Variants in GSDME observed in about 807,000 individuals in gnomAD.
GSDME encodes gasdermin E.
A neutral mutation model predicts 47.5 loss-of-function variants in GSDME; 44 were observed. That is an observed-to-expected ratio of 0.93 (90% CI 0.73 to 1.19). The LOEUF (loss-of-function observed/expected upper bound fraction) is 1.19. GSDME is among the 50% of genes most tolerant of loss of function. The pLI, the probability that GSDME is intolerant of heterozygous loss-of-function variation, is 0.00. For missense variants in GSDME, 663 were observed against 604.2 expected (o/e 1.10, Z -1.02); for synonymous variants, 258 against 252.8 (o/e 1.02, Z -0.20).
At chr7:24,776,332 G>A in the GSDME span, among the ~76,000 whole-genome samples, 3 of 152,174 alleles carry the variant, frequency 2.0e-5, no homozygotes, top group Non-Finnish European at 4.4e-5. Context: ...GAGTCAGATT[G>A]TGTCTGTCAC....
intron 4 of GSDME, among the ~76,000 whole-genome samples, chr7:24,718,158 C>A (rs1034696718): frequency 1.3e-5 from 2 of 152,236 alleles, no homozygotes; most frequent in Non-Finnish European, 2.9e-5. Flanking sequence ...CATCTCCCAT[C>A]GGCGCCTCCC....
chr7:24,743,454 A>G (rs1469195879), intron 3 of GSDME, among the ~76,000 whole-genome samples: 2 of 152,214 alleles, frequency 1.3e-5, no homozygotes, highest in African/African-American at 4.8e-5. Flanking sequence ...AATTACTGCA[A>G]TAACTTCTCA....
intron 3 of GSDME, among the ~76,000 whole-genome samples, chr7:24,719,765 C>T (rs1258712325): frequency 6.6e-6 from 1 of 151,770 alleles, no homozygotes; most frequent in Non-Finnish European, 1.5e-5. Flanking sequence ...TGCGCTCCAG[C>T]CAGGGCAACA....
At position 24,717,222 on chromosome 7, in the gene GSDME, A is replaced by AGGGATCCTCTGCTGGGGG. The variant is rs745540480; in HGVS notation, c.697+31_697+32insCCCCCAGCAGAGGATCCC. On this transcript the variant is annotated intron_variant, in intron 5 of 9. Transcript: ENST00000645220. ...TCTGCTGAGGGATCCTCTGCTGGGG[A>AGGGATCCTCTGCTGGGGG]TCCCTCAGCACCCATAGGAGGTGGC... is the stretch of plus-strand genomic sequence containing the variant. The AGGGATCCTCTGCTGGGGG allele has an allele frequency of 1.3e-4, 179 of 1,351,306 alleles. 2 individuals carry two copies. Among genetic ancestry groups the AGGGATCCTCTGCTGGGGG allele is most frequent in the African/African-American group, 7.9e-4 (52 of 65,854 alleles). 83.7% of individuals were successfully genotyped at this position (1,351,306 alleles called of 1,614,324 possible). A position where few individuals can be genotyped will look rare whatever the true frequency, so the allele number is the denominator to read the frequency against.
rs1482374194 is a variant in GSDME, at chr7:24,712,619, T to C, written c.698-2231A>G. On this transcript the variant is annotated intron_variant, in intron 5 of 9. Coordinates refer to ENST00000645220, the MANE Select transcript of GSDME (RefSeq NM_001127453.2). The surrounding 1 kb of genome is among the most constrained non-coding windows in gnomAD (Gnocchi z 4.4). ...AGTGTGGTAAGAGTGGGGACAGCGG[T>C]TGAACAGGGCTGAGGCCAGAGTGAC... Among the ~76,000 whole-genome samples the C allele has an allele frequency of 6.6e-6, 1 of 152,124 alleles. No individual in the cohort carries two copies. The highest frequency in any genetic ancestry group is 2.4e-5 in the African/African-American group (1 of 41,422).
rs371864596 is a variant in GSDME, at chr7:24,714,654, A to G, written c.697+2600T>C. 6.6e-6 allele frequency among the ~76,000 whole-genome samples: 1 copy of G among 152,196 alleles called. No individual in the cohort carries two copies. The highest frequency in any genetic ancestry group is 6.5e-5 in the Admixed American group (1 of 15,274). ...GACAGTGGAAGCTGGAAAAGATAAA[A>G]GCCTTGAAATTGAAATGCAAACAGG... On this transcript the variant is annotated intron_variant, in intron 5 of 9. Coordinates refer to ENST00000645220, the MANE Select transcript of GSDME (RefSeq NM_001127453.2). The surrounding 1 kb of genome is among the most constrained non-coding windows in gnomAD (Gnocchi z 5.0).
At chr7:24,783,147 A>C in the GSDME span, among the ~76,000 whole-genome samples, 3 of 152,316 alleles carry the variant, frequency 2.0e-5, no homozygotes, top group South Asian at 4.1e-4. Context: ...AAAGGTAAAC[A>C]GTGTCTTAAT....
intron 3 of GSDME, among the ~76,000 whole-genome samples, chr7:24,731,125 G>A (rs1790130012): frequency 6.6e-6 from 1 of 152,214 alleles, no homozygotes; most frequent in Non-Finnish European, 1.5e-5. Context: ...GGATTTCGTG[G>A]GGCCTTGAGC....
At chr7:24,794,183 C>CCTCT in the GSDME span, among the ~76,000 whole-genome samples, 1 of 149,422 alleles carries the variant, frequency 6.7e-6, no homozygotes, top group East Asian at 1.9e-4. Context: ...TCTGTCTCTT[C>CCTCT]CTCTCTCTCT....
At chr7:24,782,014 G>A in the GSDME span, among the ~76,000 whole-genome samples, 2 of 152,126 alleles carry the variant, frequency 1.3e-5, no homozygotes, top group Non-Finnish European at 2.9e-5. Context: ...CCAAATGGCT[G>A]AGATTACAGA....
rs564860472 is a variant in GSDME, at chr7:24,754,034, C to T, written c.-20+3362G>A. 6.6e-6 allele frequency among the ~76,000 whole-genome samples: 1 copy of T among 152,264 alleles called. No homozygotes were observed. The highest frequency in any genetic ancestry group is 2.1e-4 in the South Asian group (1 of 4,818). On this transcript the variant is annotated intron_variant, in intron 1 of 9. Coordinates refer to ENST00000645220, the MANE Select transcript of GSDME (RefSeq NM_001127453.2). The surrounding 1 kb of genome is among the most constrained non-coding windows in gnomAD (Gnocchi z 5.0). Reference sequence around the variant, plus strand: ...CAGACAAGCACAGTCATGTCTCAGCCAAAAGTCAGACTCTGGATTAACATT... The same window carrying T: ...CAGACAAGCACAGTCATGTCTCAGCTAAAAGTCAGACTCTGGATTAACATT...
At chr7:24,699,689 G>GGT (rs1400740353) in intron 9 of GSDME, among the ~76,000 whole-genome samples, 2 of 152,082 alleles carry the variant, frequency 1.3e-5, no homozygotes, top group Non-Finnish European at 2.9e-5. Context: ...AAACCCTTGA[G>GGT]GTGTAACATG....
Position 24,713,661 on chromosome 7 carries a change from C to T in GSDME, c.698-3273G>A, listed in dbSNP as rs115796064. Among the ~76,000 whole-genome samples the T allele has an allele frequency of 2.6e-3, 402 of 152,332 alleles. 3 individuals carry two copies. The highest frequency in any genetic ancestry group is 9.1e-3 in the African/African-American group (379 of 41,572). On this transcript the variant is annotated intron_variant, in intron 5 of 9. Transcript: ENST00000645220. ...GCACGAGACCCATGCTGGGCTGGCC[C>T]ATAAGGCGTGACATGGTGCAGACTG...
intron 3 of GSDME, among the ~76,000 whole-genome samples, chr7:24,740,791 A>ATT (rs1193020736): frequency 6.6e-6 from 1 of 152,230 alleles, no homozygotes; most frequent in Admixed American, 6.5e-5. Flanking sequence ...TTCCTAATAA[A>ATT]GAACCAAACT....
intron 3 of GSDME, among the ~76,000 whole-genome samples, chr7:24,734,603 T>C (rs760931715): frequency 3.9e-5 from 6 of 152,166 alleles, no homozygotes; most frequent in Non-Finnish European, 5.9e-5. Flanking sequence ...ATTGCAATAA[T>C]TTAAAAGATT....
the GSDME span, among the ~76,000 whole-genome samples, chr7:24,778,095 G>A: frequency 6.6e-6 from 1 of 151,614 alleles, no homozygotes; most frequent in East Asian, 1.9e-4. This position sits in a 1 kb window ranked among gnomAD's most constrained non-coding sequence, Gnocchi z 5.6. Context: ...GGGAGAGAGA[G>A]AGAGAGAAAG....
chr7:24,700,298 A>G (rs1584039734), intron 9 of GSDME, among the ~76,000 whole-genome samples: 1 of 152,314 alleles, frequency 6.6e-6, no homozygotes, highest in East Asian at 1.9e-4. Context: ...TCCACTGCTC[A>G]ACACATACTT....
At chr7:24,702,953 T>C (rs889117899) in intron 8 of GSDME, 120 bp from the exon 9 acceptor site, 6 of 785,906 alleles carry the variant, frequency 7.6e-6, no homozygotes, top group Non-Finnish European at 1.3e-5. Flanking sequence ...GCAGGGGAGG[T>C]ACTCAGCAGT....
intron 5 of GSDME, among the ~76,000 whole-genome samples, chr7:24,711,757 G>T (rs1789363313): frequency 2.0e-5 from 3 of 149,478 alleles, no homozygotes; most frequent in Admixed American, 6.7e-5. Context: ...GGAGGTTGCA[G>T]TGAGCCAAGA....
Sources: allele counts gnomAD v4.1 joint callset (sites outside exome capture counted in the v4.1 genomes callset), GRCh38; gene constraint gnomAD v4.1.1; non-coding constraint Gnocchi (gnomAD v3.1); transcripts MANE v1.5; gene names NCBI Gene and HGNC (gene_info 2026-07-23, HGNC 2026-07-21).